HIVEP3: variants seen among roughly 807,000 people sequenced by gnomAD.
HIVEP3 encodes HIVEP zinc finger 3, also known as transcription factor HIVEP3.
HIVEP3 carries 49 observed loss-of-function variants against 152.8 expected under a neutral mutation model. The observed-to-expected ratio is 0.32, with a 90% confidence interval of 0.26 to 0.41. The LOEUF (loss-of-function observed/expected upper bound fraction) is 0.41, where lower values mean the gene tolerates loss of function less well. HIVEP3 is among the 10% of genes least tolerant of loss of function. The probability of loss-of-function intolerance (pLI) is 1.00; values close to 1 mark genes in which losing one functional copy is unlikely to be tolerated. For synonymous variants in HIVEP3, 1,269 were observed against 1,289.0 expected (o/e 0.98, Z 0.33); for missense variants, 2,790 against 3,103.3 (o/e 0.90, Z 2.40).
intron 1 of HIVEP3, among the ~76,000 whole-genome samples, chr1:41,774,954 A>C (rs349431): frequency 0.62 from 93,996 of 151,670 alleles, 30,082 homozygotes; most frequent in African/African-American, 0.79. Flanking sequence ...TGCCACCACA[A>C]CTGGCTAATT....
chr1:41,687,386 C>T (rs1243587147), intron 2 of HIVEP3, among the ~76,000 whole-genome samples: 3 of 152,226 alleles, frequency 2.0e-5, no homozygotes, highest in Non-Finnish European at 2.9e-5. Flanking sequence ...ATATCCAGAC[C>T]TCTGCAACTC....
intron 1 of HIVEP3, among the ~76,000 whole-genome samples, chr1:41,892,813 A>C (rs1419496764): frequency 6.6e-6 from 1 of 152,176 alleles, no homozygotes; most frequent in African/African-American, 2.4e-5. Flanking sequence ...AAAGAAGAAA[A>C]GAAAACAGCT....
intron 1 of HIVEP3, among the ~76,000 whole-genome samples, chr1:41,820,139 T>G (rs1642547802): frequency 6.6e-6 from 1 of 152,178 alleles, no homozygotes; most frequent in Non-Finnish European, 1.5e-5. Flanking sequence ...CCCCATACAT[T>G]TTTTGTCTAT....
chr1:41,883,108 A>G (rs1181672642), intron 1 of HIVEP3, among the ~76,000 whole-genome samples: 5 of 152,168 alleles, frequency 3.3e-5, no homozygotes, highest in Non-Finnish European at 5.9e-5. Flanking sequence ...CAGGGGCAGC[A>G]TTCAGACTAC....
chr1:41,652,669 C>G (rs1645569923), intron 2 of HIVEP3, among the ~76,000 whole-genome samples: 1 of 152,146 alleles, frequency 6.6e-6, no homozygotes, highest in African/African-American at 2.4e-5. Context: ...AGGGTGTCCC[C>G]ACCTCACCGG....
chr1:41,714,270 G>A (rs948594022), intron 1 of HIVEP3, among the ~76,000 whole-genome samples: 2 of 152,202 alleles, frequency 1.3e-5, no homozygotes, highest in Admixed American at 6.5e-5. Context: ...AAGAGAGAGG[G>A]AGGTGGGGAT....
intron 1 of HIVEP3, among the ~76,000 whole-genome samples, chr1:41,818,466 A>G (rs1444002292): frequency 7.2e-5 from 11 of 152,152 alleles, no homozygotes; most frequent in African/African-American, 2.7e-4. Flanking sequence ...GGGCGGGGGC[A>G]TTGATGAAGA....
At chr1:41,515,041 T>G (rs114107327) in intron 7 of HIVEP3, among the ~76,000 whole-genome samples, 4,298 of 152,280 alleles carry the variant, frequency 0.028, 196 homozygotes, top group African/African-American at 0.093. Flanking sequence ...GCCTGTTCGC[T>G]GGCCCATCAC....
At position 41,662,654 on chromosome 1, in the gene HIVEP3, C is replaced by A. The variant is rs906468980; in HGVS notation, c.-720-33707G>T. ...GGCTGCCGGCGGCCGCGGGGAGGGT[C>A]TGCGCGCCGGCCTCCTCGGTGACAG... is the stretch of plus-strand genomic sequence containing the variant. On this transcript the variant is annotated intron_variant, in intron 2 of 8. Transcript: ENST00000372583. The surrounding 1 kb of genome is among the most constrained non-coding windows in gnomAD (Gnocchi z 7.2). Among the ~76,000 whole-genome samples, 1 of 151,418 alleles carries A rather than the reference C, an allele frequency of 6.6e-6. No homozygotes were observed. The highest frequency in any genetic ancestry group is 2.4e-5 in the African/African-American group (1 of 41,276).
At chr1:41,867,600 G>A (rs571272037) in intron 1 of HIVEP3, among the ~76,000 whole-genome samples, 1 of 152,318 alleles carries the variant, frequency 6.6e-6, no homozygotes, top group African/African-American at 2.4e-5. Flanking sequence ...AAAATATGCT[G>A]CATGGATCAT....
chr1:41,966,747 C>T (rs1343442047), intron 1 of HIVEP3, among the ~76,000 whole-genome samples: 1 of 151,596 alleles, frequency 6.6e-6, no homozygotes, highest in Non-Finnish European at 1.5e-5. Flanking sequence ...TCCAAAAGTG[C>T]TGGGATTACA....
At chr1:41,953,890 C>T (rs1570840872) in intron 1 of HIVEP3, among the ~76,000 whole-genome samples, 1 of 152,176 alleles carries the variant, frequency 6.6e-6, no homozygotes, top group African/African-American at 2.4e-5. Flanking sequence ...AATCACAGTA[C>T]CCAAGGCTGC....
intron 1 of HIVEP3, among the ~76,000 whole-genome samples, chr1:41,812,932 C>A: frequency 6.6e-6 from 1 of 152,138 alleles, no homozygotes; most frequent in East Asian, 1.9e-4. Flanking sequence ...GCTTTCTGGA[C>A]CTGGTAAAGT....
rs141285859 is a variant in HIVEP3, at chr1:41,511,056, G to A, written c.6616C>T (p.Arg2206Trp). The A allele has an allele frequency of 3.4e-4, 551 of 1,614,000 alleles. 1 individual carries two copies. In the African/African-American group the frequency reaches 6.1e-3, roughly 18 times the overall value. ...AGCAGGGTGGGGTGGGCTCCTGGCC[G>A]GGCCTGCACCATCTGGATCCCACCG... Reference protein sequence around the residue: ...PIGGIQMVQARPGAHPTLLPG... With the variant: ...PIGGIQMVQAWPGAHPTLLPG... Residue 2206 changes from arginine to tryptophan, a missense_variant, in exon 9 of 9, where the codon CGG becomes TGG. By Grantham distance (101) the Arg-to-Trp change is moderately radical (BLOSUM62 -3). Around this residue, in one of 9 missense-constraint regions of HIVEP3, gnomAD observed 816 missense variants for 806.5 expected, o/e 1.01. Transcript: ENST00000372583. This position sits in a 1 kb window ranked among gnomAD's most constrained non-coding sequence, Gnocchi z 4.9.
intron 3 of HIVEP3, among the ~76,000 whole-genome samples, chr1:41,606,499 C>T (rs1043658107): frequency 2.0e-5 from 3 of 151,886 alleles, no homozygotes; most frequent in East Asian, 1.9e-4. Flanking sequence ...TCATTGCCTG[C>T]GAAGCCACTC....
intron 1 of HIVEP3, among the ~76,000 whole-genome samples, chr1:41,979,202 G>C (rs1405502904): frequency 6.6e-6 from 1 of 152,150 alleles, no homozygotes; most frequent in African/African-American, 2.4e-5. Context: ...GCAGATGAAA[G>C]TTTGAGAACC....
intron 1 of HIVEP3, among the ~76,000 whole-genome samples, chr1:41,782,403 AATG>A (rs1649095423): frequency 6.6e-6 from 1 of 152,154 alleles, no homozygotes; most frequent in African/African-American, 2.4e-5. Context: ...ATGGTCACAT[AATG>A]ATGTGAATAT....
rs562277985 is a variant in HIVEP3 at position 41,737,421 on chromosome 1, C to T, written c.-800-36426G>A. 7.9e-5 allele frequency among the ~76,000 whole-genome samples: 12 copies of T among 152,286 alleles called. No homozygotes were observed. The South Asian group carries it at 2.5e-3, about 32-fold the overall frequency. ...GTCATATCTGAGATGAGACCTCTATCTCTGCCATGAAGGGTCCCTGACTCT... is the reference window on the plus strand; with the variant it reads ...GTCATATCTGAGATGAGACCTCTATTTCTGCCATGAAGGGTCCCTGACTCT... On this transcript the variant is annotated intron_variant, in intron 1 of 8. Coordinates refer to ENST00000372583, the MANE Select transcript of HIVEP3 (RefSeq NM_024503.5).
chr1:41,906,204 G>A (rs1644707160), intron 1 of HIVEP3, among the ~76,000 whole-genome samples: 2 of 152,124 alleles, frequency 1.3e-5, no homozygotes, highest in South Asian at 4.1e-4. Flanking sequence ...TGTAACTCAG[G>A]AGGCTGAGAC....
Sources: allele counts gnomAD v4.1 joint callset (sites outside exome capture counted in the v4.1 genomes callset), GRCh38; gene constraint gnomAD v4.1.1; regional missense constraint gnomAD v4.1.1; non-coding constraint Gnocchi (gnomAD v3.1); transcripts MANE v1.5; gene names NCBI Gene and HGNC (gene_info 2026-07-23, HGNC 2026-07-21).